TMEM100: variants seen among roughly 807,000 people sequenced by gnomAD.
TMEM100 encodes the protein transmembrane protein 100.
For synonymous variants in TMEM100, 61 were observed against 67.1 expected, an observed-to-expected ratio of 0.91 and a Z score of 0.44; for missense variants, 137 against 168.2, an observed-to-expected ratio of 0.81 and a Z score of 1.02.
chr17:55,721,697 A>G (rs1356561248), intron 1 of TMEM100: 5 of 152,650 alleles, frequency 3.3e-5, no homozygotes, highest in Admixed American at 3.3e-4. Flanking sequence ...ACTATTAAAC[A>G]CAGTGCAACC....
chr17:55,721,428 C>T (rs529219754), intron 1 of TMEM100: 1 of 196,948 alleles, frequency 5.1e-6, no homozygotes, highest in African/African-American at 2.3e-5. Flanking sequence ...GCTTCTCCTT[C>T]CTCTGAATAC....
chr17:55,722,885 CTCT>C (rs1384539281), upstream of TMEM100: 3 of 152,198 alleles, frequency 2.0e-5, no homozygotes, highest in Non-Finnish European at 4.4e-5. Context: ...CCCTCCCTCT[CTCT>C]TTTTATTCCC....
chr17:55,721,081 G>A lies in TMEM100; in HGVS notation c.-11C>T. ...GGGCTCTTCAGTCATTTTTACAACA[G>A]TGCTTCTAAGCTGGGTTTACAGACT... On this transcript the variant is annotated 5_prime_UTR_variant, in exon 2 of 2. Coordinates refer to ENST00000424486, the MANE Select transcript of TMEM100 (RefSeq NM_018286.3). The A allele has an allele frequency of 6.3e-7, 1 of 1,598,026 alleles. No homozygotes were observed. The highest frequency in any genetic ancestry group is 8.5e-7 in the Non-Finnish European group (1 of 1,172,268).
upstream of TMEM100, chr17:55,727,860 TGGGCTCATCAGTGCTG>T (rs1406802734): frequency 6.6e-6 from 1 of 152,252 alleles, no homozygotes; most frequent in East Asian, 1.9e-4. Flanking sequence ...TGGCTCAGGA[TGGGCTCATCAGTGCTG>T]GCCTCCTCCA....
At chr17:55,725,701 ATGTG>A (rs57564459), upstream of TMEM100, among the ~76,000 whole-genome samples, 8,947 of 139,590 alleles carry the variant, frequency 0.064, 330 homozygotes, top group Middle Eastern at 0.11. Context: ...ACCCATATAT[ATGTG>A]TGTGTGTGTG....
At chr17:55,724,693 T>G (rs1909016812), upstream of TMEM100, among the ~76,000 whole-genome samples, 1 of 152,228 alleles carries the variant, frequency 6.6e-6, no homozygotes, top group Non-Finnish European at 1.5e-5. Context: ...GCACTGAAGC[T>G]CTGAATATCA....
chr17:55,725,555 C>T (rs565591945), upstream of TMEM100, among the ~76,000 whole-genome samples: 1 of 152,118 alleles, frequency 6.6e-6, no homozygotes, highest in Non-Finnish European at 1.5e-5. Context: ...CAGGGGGATG[C>T]AAATCACCAC....
chr17:55,723,791 T>TTAA (rs1341186964), upstream of TMEM100, among the ~76,000 whole-genome samples: 2 of 152,194 alleles, frequency 1.3e-5, no homozygotes, highest in Non-Finnish European at 2.9e-5. Flanking sequence ...TTGGCCCACT[T>TTAA]TAAGGATCAA....
intron 1 of TMEM100, chr17:55,721,561 G>C (rs1157227621): frequency 6.4e-6 from 1 of 155,230 alleles, no homozygotes; most frequent in East Asian, 1.9e-4. Flanking sequence ...ATCTTGCTGG[G>C]CATAACATGC....
rs552354700 is a variant in TMEM100, at chr17:55,720,821, T to C, written c.250A>G (p.Ile84Val). 1.1e-5 allele frequency: 17 copies of C among 1,614,028 alleles called. No homozygotes were observed. The South Asian group carries it at 1.5e-4, about 15-fold the overall frequency. ...ACAACCAGGCCAAAGATGGAGATAA[T>C]AGACCCATGGGAATTGAAGCTGTAA... ...VAYSFNSHGS[I>V]ISIFGLVVLS... The change falls in exon 2 of 2, where the codon ATT becomes GTT. Residue 84 changes from isoleucine to valine, a missense_variant. Physicochemically the swap from Ile to Val is conservative, Grantham distance 29. Transcript: ENST00000424486.
upstream of TMEM100, among the ~76,000 whole-genome samples, chr17:55,726,872 T>A (rs1342524405): frequency 6.6e-6 from 1 of 152,232 alleles, no homozygotes; most frequent in East Asian, 1.9e-4. Context: ...AAAACACTTT[T>A]CTTTGAGGTC....
intron 1 of TMEM100, among the ~76,000 whole-genome samples, chr17:55,730,823 T>C (rs531149849): frequency 3.9e-5 from 6 of 152,362 alleles, no homozygotes; most frequent in African/African-American, 1.4e-4. Context: ...AGAGAACAGA[T>C]CTCTTGCTCT....
chr17:55,728,867 T>C (rs1195567874), intron 1 of TMEM100, among the ~76,000 whole-genome samples: 1 of 151,902 alleles, frequency 6.6e-6, no homozygotes, highest in African/African-American at 2.4e-5. Flanking sequence ...ACATTATAAA[T>C]AGAAAAGGAA....
intron 1 of TMEM100, chr17:55,721,636 C>G (rs1275538777): frequency 6.5e-6 from 1 of 153,246 alleles, no homozygotes; most frequent in Admixed American, 6.5e-5. Flanking sequence ...TGGCCAGCAA[C>G]AAATGATGTT....
chr17:55,726,177 T>G (rs1482887837), upstream of TMEM100, among the ~76,000 whole-genome samples: 1 of 152,076 alleles, frequency 6.6e-6, no homozygotes, highest in Admixed American at 6.6e-5. Context: ...AAATCACACC[T>G]CCGAGGTGAC....
chr17:55,729,279 GA>G (rs1909144353), intron 1 of TMEM100, among the ~76,000 whole-genome samples: 1 of 152,162 alleles, frequency 6.6e-6, no homozygotes. Context: ...GGACAGGTAG[GA>G]AATCACTGCA....
chr17:55,724,241 A>G (rs893510081), upstream of TMEM100, among the ~76,000 whole-genome samples: 1 of 152,182 alleles, frequency 6.6e-6, no homozygotes, highest in Non-Finnish European at 1.5e-5. Flanking sequence ...CTTGCCTTGT[A>G]GCAATACCCT....
chr17:55,730,942 T>G (rs990686236), intron 1 of TMEM100, among the ~76,000 whole-genome samples: 2 of 152,202 alleles, frequency 1.3e-5, no homozygotes, highest in African/African-American at 4.8e-5. Context: ...CATTATTGTC[T>G]TTGAAAAAGC....
chr17:55,726,690 G>T (rs1427481975), upstream of TMEM100, among the ~76,000 whole-genome samples: 3 of 152,302 alleles, frequency 2.0e-5, no homozygotes, highest in East Asian at 3.9e-4. Context: ...CCAATTGGAT[G>T]CAGGGAGATT....
Sources: allele counts gnomAD v4.1 joint callset (sites outside exome capture counted in the v4.1 genomes callset), GRCh38; gene constraint gnomAD v4.1.1; transcripts MANE v1.5; gene names NCBI Gene and HGNC (gene_info 2026-07-23, HGNC 2026-07-21).